The following TMPRSS15 variants were observed in gnomAD, a reference collection of about 807,000 sequenced individuals.
The protein encoded by TMPRSS15 is transmembrane serine protease 15.
Under a neutral mutation model 125.3 loss-of-function variants are expected in TMPRSS15, and 128 were observed. The ratio of observed to expected loss-of-function variants is 1.02; its 90% CI spans 0.89 to 1.18. TMPRSS15 has a LOEUF of 1.18. TMPRSS15 is among the 50% of genes most tolerant of loss of function. The probability of loss-of-function intolerance (pLI) is 0.00; values close to 1 mark genes in which losing one functional copy is unlikely to be tolerated. For synonymous variants in TMPRSS15, 446 were observed against 423.2 expected, an observed-to-expected ratio of 1.05 and a Z score of -0.66; for missense variants, 1,283 against 1,212.7, an observed-to-expected ratio of 1.06 and a Z score of -0.86.
At chr21:18,420,956 C>T (rs2076190886) in intron 1 of TMPRSS15, among the ~76,000 whole-genome samples, 1 of 152,136 alleles carries the variant, frequency 6.6e-6, no homozygotes, top group Non-Finnish European at 1.5e-5. Context: ...TGTTGAATCA[C>T]TCTAGATTTA....
chr21:18,300,200 CTTTCTT>C (rs1212756180), intron 18 of TMPRSS15, among the ~76,000 whole-genome samples: 1 of 68,828 alleles, frequency 1.5e-5, no homozygotes, highest in Non-Finnish European at 3.1e-5. Flanking sequence ...CTTTCTTTCT[CTTTCTT>C]TCTTTTTCTT....
chr21:18,415,458 T>C (rs1246541281), intron 1 of TMPRSS15, among the ~76,000 whole-genome samples: 8 of 152,144 alleles, frequency 5.3e-5, no homozygotes, highest in Admixed American at 2.6e-4. Flanking sequence ...TTCCCCTATG[T>C]TTTCTTCTAG....
chr21:18,334,624 G>A (rs1174876241), intron 13 of TMPRSS15, among the ~76,000 whole-genome samples: 1 of 152,134 alleles, frequency 6.6e-6, no homozygotes, highest in East Asian at 1.9e-4. Flanking sequence ...TGTGGATTGG[G>A]TAATTACTAT....
intron 1 of TMPRSS15, chr21:18,460,599 CT>C (rs1978533784): frequency 6.6e-6 from 1 of 152,204 alleles, no homozygotes; most frequent in African/African-American, 2.4e-5. Flanking sequence ...CAAATGCAAA[CT>C]CTGCAGGGTG....
At chr21:18,298,823 C>A (rs2146908076) in intron 18 of TMPRSS15, among the ~76,000 whole-genome samples, 1 of 152,226 alleles carries the variant, frequency 6.6e-6, no homozygotes, top group African/African-American at 2.4e-5. Flanking sequence ...CAGGCTATTG[C>A]CAACACTGAC....
intron 21 of TMPRSS15, among the ~76,000 whole-genome samples, chr21:18,286,460 T>C (rs747260365): frequency 1.3e-5 from 2 of 152,220 alleles, no homozygotes; most frequent in Non-Finnish European, 2.9e-5. Flanking sequence ...CCAAGCTTAA[T>C]ATATAAAAAT....
intron 18 of TMPRSS15, among the ~76,000 whole-genome samples, chr21:18,308,174 A>C (rs1416860513): frequency 6.6e-6 from 1 of 152,182 alleles, no homozygotes; most frequent in Admixed American, 6.5e-5. Context: ...TAGTGTTTAA[A>C]GTAGGAACTT....
chr21:18,391,102 T>C (rs926336723), intron 3 of TMPRSS15, among the ~76,000 whole-genome samples: 2 of 152,186 alleles, frequency 1.3e-5, no homozygotes, highest in Admixed American at 1.3e-4. Flanking sequence ...GGGATTACAA[T>C]TGGAGATGAG....
At chr21:18,294,680 A>T in intron 19 of TMPRSS15, 28 bp from the exon 20 acceptor site, 2 of 1,586,432 alleles carry the variant, frequency 1.3e-6, no homozygotes, top group Non-Finnish European at 1.7e-6. Flanking sequence ...TCATATTTTT[A>T]AAATTATGCA....
chr21:18,374,243 G>A (rs1164693922), intron 5 of TMPRSS15, among the ~76,000 whole-genome samples: 1 of 151,990 alleles, frequency 6.6e-6, no homozygotes, highest in East Asian at 1.9e-4. Flanking sequence ...GGAGGCCGAG[G>A]CGGGTGGATC....
intron 1 of TMPRSS15, among the ~76,000 whole-genome samples, chr21:18,480,891 C>T (rs1263164265): frequency 6.6e-6 from 1 of 151,762 alleles, no homozygotes. Flanking sequence ...AGTCACTATT[C>T]TGAAAATGAG....
chr21:18,301,951 G>C (rs906768427), intron 18 of TMPRSS15, among the ~76,000 whole-genome samples: 2 of 152,100 alleles, frequency 1.3e-5, no homozygotes, highest in Non-Finnish European at 2.9e-5. Context: ...GAATTCTAGG[G>C]AGTAAAAAAG....
chr21:18,388,409 G>C (rs1488340960), intron 3 of TMPRSS15, among the ~76,000 whole-genome samples: 1 of 152,086 alleles, frequency 6.6e-6, no homozygotes, highest in Non-Finnish European at 1.5e-5. Flanking sequence ...TTGGGATTTT[G>C]GTAGCCCACC....
chr21:18,419,382 C>T (rs1247840081), intron 1 of TMPRSS15, among the ~76,000 whole-genome samples: 2 of 151,872 alleles, frequency 1.3e-5, no homozygotes, highest in Non-Finnish European at 2.9e-5. Context: ...CCCGCCACCA[C>T]GCCCAGCTAA....
At chr21:18,424,099 C>T (rs2076197839) in intron 1 of TMPRSS15, among the ~76,000 whole-genome samples, 1 of 152,074 alleles carries the variant, frequency 6.6e-6, no homozygotes, top group South Asian at 2.1e-4. Context: ...AAAGAAAAGC[C>T]ATTTTCTTTT....
intron 1 of TMPRSS15, among the ~76,000 whole-genome samples, chr21:18,401,913 G>T (rs1453952408): frequency 1.3e-5 from 2 of 152,040 alleles, no homozygotes; most frequent in African/African-American, 2.4e-5. Flanking sequence ...TTGAACAACA[G>T]GGATTCCAAT....
chr21:18,431,459 C>T (rs1263764006), intron 1 of TMPRSS15, among the ~76,000 whole-genome samples: 4 of 151,994 alleles, frequency 2.6e-5, no homozygotes, highest in African/African-American at 9.7e-5. Context: ...TTCGGAATTT[C>T]TCCCCTGTTT....
At chr21:18,464,573 G>A (rs1292141335) in intron 1 of TMPRSS15, among the ~76,000 whole-genome samples, 2 of 151,964 alleles carry the variant, frequency 1.3e-5, no homozygotes, top group Middle Eastern at 3.2e-3. Flanking sequence ...TATGATAAAG[G>A]GGATATCACC....
chr21:18,381,858 G>A (rs962396392), intron 4 of TMPRSS15, among the ~76,000 whole-genome samples: 1 of 151,854 alleles, frequency 6.6e-6, no homozygotes, highest in African/African-American at 2.4e-5. Context: ...CAGAGAATGA[G>A]GAGAAATAAC....
Sources: allele counts gnomAD v4.1 joint callset (sites outside exome capture counted in the v4.1 genomes callset), GRCh38; gene constraint gnomAD v4.1.1; transcripts MANE v1.5; gene names NCBI Gene and HGNC (gene_info 2026-07-23, HGNC 2026-07-21).